TXNDC16: variants seen among roughly 807,000 people sequenced by gnomAD.
TXNDC16 encodes thioredoxin domain-containing protein 16.
TXNDC16 carries 74 observed loss-of-function variants against 85.6 expected under a neutral mutation model. The ratio of observed to expected loss-of-function variants is 0.86; its 90% confidence interval spans 0.72 to 1.05. The LOEUF is 1.05. Among genes scored for constraint, TXNDC16 ranks in the 50% least tolerant of loss-of-function variants. TXNDC16 has a pLI of 0.00. For missense variants in TXNDC16, 959 were observed against 947.0 expected (o/e 1.01, Z -0.17); for synonymous variants, 335 against 326.5 (o/e 1.03, Z -0.28).
chr14:52,469,706 G>A (rs2035858218), intron 16 of TXNDC16, among the ~76,000 whole-genome samples: 2 of 152,062 alleles, frequency 1.3e-5, no homozygotes, highest in Non-Finnish European at 1.5e-5. Context: ...TCACGCCACT[G>A]CACTCCAGCT....
Position 52,432,439 on chromosome 14 carries a change from A to G in TXNDC16, c.2343T>C (p.His781=). The G allele has an allele frequency of 3.1e-6, 5 of 1,613,972 alleles. No homozygotes were observed. The highest frequency in any genetic ancestry group is 4.2e-6 in the Non-Finnish European group (5 of 1,179,952). Residue 781 remains histidine, a synonymous_variant, in exon 21 of 21, where the codon CAT becomes CAC. Coordinates refer to ENST00000281741, the MANE Select transcript of TXNDC16 (RefSeq NM_020784.3). The part of the protein sequence containing the change: ...TDVQENDKEQ[H]EDKSAVRKEP... ...CTTTTCTGACTGCCGATTTATCTTC[A>G]TGTTGTTCCTTATCATTCTCCTGCA... is the stretch of plus-strand genomic sequence containing the variant.
intron 11 of TXNDC16, among the ~76,000 whole-genome samples, chr14:52,488,831 G>GGAAAAAAAAAAA (rs1336603891): frequency 1.1e-5 from 1 of 89,956 alleles, no homozygotes. Flanking sequence ...GAGACTCTGG[G>GGAAAAAAAAAAA]AAAAAAAAAA....
intron 18 of TXNDC16, among the ~76,000 whole-genome samples, chr14:52,454,649 C>CAAAAAAAAAAAAA (rs34727206): frequency 1.7e-5 from 1 of 60,388 alleles, no homozygotes; most frequent in Non-Finnish European, 3.2e-5. Flanking sequence ...ACTAAAAATA[C>CAAAAAAAAAAAAA]AAAAAAAAAA....
chr14:52,495,872 A>G (rs1469595384), intron 9 of TXNDC16, among the ~76,000 whole-genome samples: 1 of 152,158 alleles, frequency 6.6e-6, no homozygotes, highest in Non-Finnish European at 1.5e-5. Flanking sequence ...AACTAAAGAG[A>G]CAGATCGGCC....
rs553731592 is a variant in TXNDC16 at position 52,536,803 on chromosome 14, G to C, written c.318-10C>G. 1.3e-6 allele frequency: 2 copies of C among 1,593,318 alleles called. No homozygotes were observed. Among genetic ancestry groups the C allele is most frequent in the East Asian group, 2.3e-5 (1 of 43,816 alleles). The stretch of plus-strand genomic sequence containing the variant: ...GAGCAATATGTTGCCCCTATAAAAA[G>C]TTTAAAAACATATTAATATTGAAAA... On this transcript the variant is annotated splice_polypyrimidine_tract_variant and intron_variant, in intron 5 of 20. Coordinates refer to ENST00000281741, the MANE Select transcript of TXNDC16 (RefSeq NM_020784.3).
chr14:52,540,619 G>A (rs1050289815), intron 4 of TXNDC16, among the ~76,000 whole-genome samples: 114 of 151,686 alleles, frequency 7.5e-4, no homozygotes, highest in African/African-American at 2.7e-3. Flanking sequence ...AGCAAGACTC[G>A]GTCTCAAAAA....
intron 6 of TXNDC16, among the ~76,000 whole-genome samples, 190 bp from the exon 7 acceptor site, chr14:52,519,483 A>G (rs1357836424): frequency 6.6e-6 from 1 of 152,244 alleles, no homozygotes; most frequent in African/African-American, 2.4e-5. Context: ...CTCTGAGAAC[A>G]TCAACCAGGG....
At chr14:52,488,749 G>A (rs925591965) in intron 11 of TXNDC16, among the ~76,000 whole-genome samples, 1 of 145,548 alleles carries the variant, frequency 6.9e-6, no homozygotes, top group Non-Finnish European at 1.5e-5. Context: ...CAGGAGAATC[G>A]TCTGAACCCA....
intron 1 of TXNDC16, among the ~76,000 whole-genome samples, chr14:52,548,287 C>T (rs1351852762): frequency 6.6e-6 from 1 of 152,124 alleles, no homozygotes; most frequent in Non-Finnish European, 1.5e-5. Context: ...TGAGCAAGGG[C>T]CTTGAGCTTC....
At chr14:52,494,562 G>A (rs930585955) in intron 9 of TXNDC16, among the ~76,000 whole-genome samples, 4 of 152,106 alleles carry the variant, frequency 2.6e-5, no homozygotes, top group Non-Finnish European at 2.9e-5. Context: ...TGTGTATTAG[G>A]AGAACTATTA....
chr14:52,548,542 C>CT, intron 1 of TXNDC16, among the ~76,000 whole-genome samples: 1 of 152,274 alleles, frequency 6.6e-6, no homozygotes, highest in East Asian at 1.9e-4. Flanking sequence ...CTCATATAGC[C>CT]TCCAGTGGTA....
At chr14:52,530,214 G>C (rs545719972) in intron 6 of TXNDC16, among the ~76,000 whole-genome samples, 2,660 of 58,582 alleles carry the variant, frequency 0.045, 163 homozygotes, top group East Asian at 0.19. Context: ...ATATTATACA[G>C]AATAATATAT....
intron 6 of TXNDC16, among the ~76,000 whole-genome samples, chr14:52,530,139 CAT>C (rs1204028217): frequency 4.5e-5 from 3 of 67,006 alleles, no homozygotes; most frequent in African/African-American, 7.1e-5. Flanking sequence ...TTACAATTTA[CAT>C]ATATTTTATA....
intron 9 of TXNDC16, among the ~76,000 whole-genome samples, chr14:52,508,002 T>C (rs1028053490): frequency 1.3e-5 from 2 of 152,202 alleles, no homozygotes; most frequent in Non-Finnish European, 2.9e-5. Flanking sequence ...GACATGGGCA[T>C]GGGCAAGGAC....
chr14:52,520,351 C>T (rs1224440936), intron 6 of TXNDC16, among the ~76,000 whole-genome samples: 1 of 152,190 alleles, frequency 6.6e-6, no homozygotes, highest in African/African-American at 2.4e-5. Flanking sequence ...TGGCCGAGCA[C>T]AGTGGCTCAA....
At chr14:52,493,216 T>TATATATATATATAC in intron 9 of TXNDC16, among the ~76,000 whole-genome samples, 79 of 115,986 alleles carry the variant, frequency 6.8e-4, no homozygotes, top group African/African-American at 2.6e-3. Context: ...TATATATATA[T>TATATATATATATAC]ACACACACAC....
rs775870617 is a variant in TXNDC16, at chr14:52,455,459, T to C, written c.1707A>G (p.Ser569=). ...IYSEEDVLLL[S]TKYAASLPAL... ...CTGGAAGACTTGCAGCATATTTGGT[T>C]GACCTATGGAGAAAGGCAGTATTAA... Residue 569 remains serine, a synonymous_variant, in exon 18 of 21, where the codon TCA becomes TCG. Transcript: ENST00000281741. 2 of 1,613,740 alleles carry C rather than the reference T, an allele frequency of 1.2e-6. No individual in the cohort carries two copies. Among genetic ancestry groups the C allele is most frequent in the Non-Finnish European group, 1.7e-6 (2 of 1,179,850 alleles).
intron 1 of TXNDC16, among the ~76,000 whole-genome samples, chr14:52,547,227 C>T (rs1301168067): frequency 6.6e-6 from 1 of 152,152 alleles, no homozygotes; most frequent in Non-Finnish European, 1.5e-5. Flanking sequence ...AGGCCATATG[C>T]TCCAAAGCCA....
intron 18 of TXNDC16, among the ~76,000 whole-genome samples, chr14:52,442,418 T>A (rs2035188198): frequency 6.6e-6 from 1 of 152,146 alleles, no homozygotes; most frequent in Admixed American, 6.5e-5. Flanking sequence ...AGTTTCCCCT[T>A]TCTTTAGATC....
Sources: gnomAD v4.1 joint callset for allele counts (sites outside exome capture counted in the v4.1 genomes callset) on GRCh38, gnomAD v4.1.1 for gene constraint, MANE v1.5 for transcripts, NCBI Gene and HGNC (gene_info 2026-07-23, HGNC 2026-07-21) for gene names.